The following INO80E variants were observed in gnomAD, a reference collection of about 807,000 sequenced individuals.
INO80E encodes coiled-coil domain containing 95.
A neutral mutation model predicts 27.3 loss-of-function variants in INO80E; 20 were observed. The ratio of observed to expected loss-of-function variants is 0.73; its 90% CI spans 0.51 to 1.06. The LOEUF is 1.06. Ranked by LOEUF, INO80E falls within the 50% of genes least tolerant of loss-of-function variation. The probability of loss-of-function intolerance (pLI) is 0.00; values close to 1 mark genes in which losing one functional copy is unlikely to be tolerated. For synonymous variants in INO80E, 167 were observed against 145.9 expected (o/e 1.14, Z -1.04); for missense variants, 357 against 322.8 (o/e 1.11, Z -0.81).
intron 3 of INO80E, 100 bp from the exon 4 acceptor site, chr16:30,000,658 C>T (rs2070312903): frequency 1.1e-6 from 1 of 951,398 alleles, no homozygotes; most frequent in African/African-American, 1.6e-5. Context: ...AGCCCCCGCA[C>T]CTGGTCTTCC....
At chr16:30,001,292 C>CCCGGGAG in intron 5 of INO80E, 122 bp from the exon 6 acceptor site, 2 of 1,493,410 alleles carry the variant, frequency 1.3e-6, no homozygotes, top group Non-Finnish European at 1.8e-6. Flanking sequence ...GCTCGGGAGC[C>CCCGGGAG]CCGGGAGCCG....
chr16:30,001,496 G>C lies in INO80E; in HGVS notation c.479G>C (p.Arg160Pro), dbSNP rs766315977. 3 of 1,612,902 alleles carry C rather than the reference G, an allele frequency of 1.9e-6. No individual in the cohort carries two copies. The highest frequency in any genetic ancestry group is 2.2e-5 in the South Asian group (2 of 90,966). Residue 160 changes from arginine (R) to proline (P), a missense_variant, in exon 6 of 7, where the codon CGG becomes CCG. Transcript: ENST00000563197. ...LPEPSPLRPK[R>P]EKRPRLPRKL... ...GAGCCCAGTCCCCTGAGGCCCAAGC[G>C]GGAGAAACGGCCCCGCCTGCCCCGG...
chr16:29,998,865 GAAACCCCGTCTCTACTA>G (rs1442145036), intron 3 of INO80E, among the ~76,000 whole-genome samples: 3 of 152,190 alleles, frequency 2.0e-5, no homozygotes, highest in Admixed American at 6.5e-5. Flanking sequence ...CTAACATGGT[GAAACCCCGTCTCTACTA>G]AAAATACATA....
At position 30,000,508 on chromosome 16, in the gene INO80E, C is replaced by T. The variant is rs1361512186; in HGVS notation, c.206-250C>T. On this transcript the variant is annotated intron_variant, in intron 3 of 6. Coordinates refer to ENST00000563197, the MANE Select transcript of INO80E (RefSeq NM_173618.3). ...CCTCCTGAGTAGCTGGGACTACAAG[C>T]ACACGCCACCATGCTCGGATAATTG... 2.0e-5 allele frequency among the ~76,000 whole-genome samples: 3 copies of T among 152,016 alleles called. No individual in the cohort carries two copies. The East Asian group carries it at 5.8e-4, about 29-fold the overall frequency.
At chr16:29,996,519 C>T (rs1227757164) in intron 1 of INO80E, 28 bp from the exon 2 acceptor site, 10 of 1,555,558 alleles carry the variant, frequency 6.4e-6, no homozygotes, top group African/African-American at 2.7e-5. Context: ...GGACCGTTGG[C>T]CCAGCGCACC....
chr16:29,997,205 G>A (rs934344384), intron 3 of INO80E, among the ~76,000 whole-genome samples: 1 of 152,172 alleles, frequency 6.6e-6, no homozygotes, highest in Non-Finnish European at 1.5e-5. Flanking sequence ...CAGTTATGCG[G>A]TAATGATTAT....
Position 30,000,742 on chromosome 16 carries a change from G to A in INO80E, c.206-16G>A. On this transcript the variant is annotated splice_polypyrimidine_tract_variant and intron_variant, in intron 3 of 6. Transcript: ENST00000563197. ...GGGATCCCCCCATCCCCACTGACCA[G>A]CTGTCCCCATCACAGACTCAGATGC... 6.2e-7 allele frequency: 1 copy of A among 1,612,014 alleles called. No homozygotes were observed. Among genetic ancestry groups the A allele is most frequent in the Non-Finnish European group, 8.5e-7 (1 of 1,178,168 alleles).
chr16:30,005,311 C>CA lies in INO80E; in HGVS notation c.604_605insA (p.Pro202HisfsTer6). 1 of 1,036,880 alleles carries CA rather than the reference C, an allele frequency of 9.6e-7. No homozygotes were observed. 64.2% of individuals were successfully genotyped at this position (1,036,880 alleles called of 1,614,324 possible). A position where few individuals can be genotyped will look rare whatever the true frequency, so the allele number is the denominator to read the frequency against. ...GGCTGGGGTCGGGACAACCCTGACC[C>CA]CCCTCCCACCCCCTAAGATGCCCCC... On this transcript the variant is annotated frameshift_variant, in exon 7 of 7. Transcript: ENST00000563197. LOFTEE classifies it high-confidence loss of function.
intron 6 of INO80E, 60 bp downstream of exon 6, chr16:30,001,590 G>T: frequency 6.6e-7 from 1 of 1,509,828 alleles, no homozygotes; most frequent in African/African-American, 1.4e-5. Context: ...TCACCTGAGG[G>T]AGGCTGAAGG....
chr16:29,999,779 G>A (rs1019581583), intron 3 of INO80E, among the ~76,000 whole-genome samples: 1 of 152,226 alleles, frequency 6.6e-6, no homozygotes, highest in Non-Finnish European at 1.5e-5. Context: ...AATTCATGCA[G>A]GTAGTGGGTG....
At chr16:30,002,531 G>T (rs1248669346) in intron 6 of INO80E, 2 of 152,886 alleles carry the variant, frequency 1.3e-5, no homozygotes, top group Non-Finnish European at 2.9e-5. Flanking sequence ...AGAGGGTCCA[G>T]AGGGAGCTGC....
chr16:30,001,606 G>T, intron 6 of INO80E, 76 bp downstream of exon 6: 1 of 1,377,288 alleles, frequency 7.3e-7, no homozygotes, highest in Admixed American at 2.0e-5. Flanking sequence ...GAAGGCGGGG[G>T]CCTGTCAGAG....
At chr16:29,998,380 A>G (rs538299796) in intron 3 of INO80E, among the ~76,000 whole-genome samples, 3 of 152,196 alleles carry the variant, frequency 2.0e-5, no homozygotes, top group East Asian at 3.9e-4. Context: ...ACCCTGAGGT[A>G]AGAACAGGTC....
chr16:29,996,923 G>A (rs1206221653), intron 3 of INO80E, 63 bp downstream of exon 3: 3 of 1,533,828 alleles, frequency 2.0e-6, no homozygotes, highest in Non-Finnish European at 2.7e-6. Flanking sequence ...AGCTTCCTGG[G>A]CCCCCGCCTT....
At chr16:29,999,301 A>T (rs543977849) in intron 3 of INO80E, 1 of 152,336 alleles carries the variant, frequency 6.6e-6, no homozygotes, top group South Asian at 2.1e-4. Flanking sequence ...TTTGAGGGGA[A>T]TTCAGGGCAG....
At chr16:29,998,300 A>G (rs997616849) in intron 3 of INO80E, among the ~76,000 whole-genome samples, 2 of 152,024 alleles carry the variant, frequency 1.3e-5, no homozygotes, top group Non-Finnish European at 2.9e-5. Flanking sequence ...CAAAAAAAAA[A>G]AAAAAACAAA....
rs1411275748 is a variant in INO80E at position 30,001,493 on chromosome 16, A to G, written c.476A>G (p.Lys159Arg). 1.9e-6 allele frequency: 3 copies of G among 1,613,070 alleles called. No homozygotes were observed. Among genetic ancestry groups the G allele is most frequent in the Non-Finnish European group, 1.7e-6 (2 of 1,179,678 alleles). Residue 159 changes from lysine to arginine, a missense_variant, in exon 6 of 7, where the codon AAG (lysine) becomes AGG (arginine). Transcript: ENST00000563197. ...CCCGAGCCCAGTCCCCTGAGGCCCA[A>G]GCGGGAGAAACGGCCCCGCCTGCCC... The part of the protein sequence containing the change: ...QLPEPSPLRP[K>R]REKRPRLPRK...
chr16:29,996,982 G>C, intron 3 of INO80E, 122 bp downstream of exon 3: 1 of 902,618 alleles, frequency 1.1e-6, no homozygotes, highest in Non-Finnish European at 1.8e-6. Flanking sequence ...AAGCCTAGTT[G>C]CTTGCCTTCC....
intron 3 of INO80E, 128 bp downstream of exon 3, chr16:29,996,988 C>A: frequency 2.4e-6 from 2 of 829,202 alleles, no homozygotes; most frequent in Admixed American, 2.0e-5. Context: ...AGTTGCTTGC[C>A]TTCCACCTCC....
Sources: gnomAD v4.1 joint callset for allele counts (sites outside exome capture counted in the v4.1 genomes callset) on GRCh38, gnomAD v4.1.1 for gene constraint, MANE v1.5 for transcripts, NCBI Gene and HGNC (gene_info 2026-07-23, HGNC 2026-07-21) for gene names.